TCF3: variants seen among roughly 807,000 people sequenced by gnomAD.
TCF3 encodes the protein transcription factor 3, also known as transcription factor E2-alpha.
TCF3 carries 54 observed loss-of-function variants against 72.3 expected under a neutral mutation model. The observed-to-expected ratio is 0.75, with a 90% confidence interval of 0.60 to 0.94. TCF3 has a LOEUF of 0.94. Among genes scored for constraint, TCF3 ranks in the 40% least tolerant of loss-of-function variants. The pLI is 0.00. For missense variants in TCF3, 1,078 were observed against 934.4 expected (o/e 1.15, Z -2.00); for synonymous variants, 525 against 412.6 (o/e 1.27, Z -3.30).
At chr19:1,631,538 G>A (rs1195816668) in intron 5 of TCF3, among the ~76,000 whole-genome samples, 1 of 151,962 alleles carries the variant, frequency 6.6e-6, no homozygotes, top group Non-Finnish European at 1.5e-5. Context: ...CAAAGTGCTG[G>A]TATTACAGGC....
Position 1,632,402 on chromosome 19 carries a change from A to T in TCF3, c.149T>A (p.Leu50His). Residue 50 changes from leucine (L) to histidine (H), a missense_variant, in exon 4 of 19, where the codon CTT (leucine) becomes CAT (histidine). Coordinates refer to ENST00000262965, the MANE Select transcript of TCF3 (RefSeq NM_003200.5). ...GGAGCCTGAGCTGGGCCGGTCCTCAAGACCTGCAGGCAGGACAGAGAGAGT... is the reference window on the plus strand; with the variant it reads ...GGAGCCTGAGCTGGGCCGGTCCTCATGACCTGCAGGCAGGACAGAGAGAGT... Reference protein sequence around the residue: ...LAGAQFGGSGLEDRPSSGSWG... With the variant: ...LAGAQFGGSGHEDRPSSGSWG... The T allele has an allele frequency of 6.3e-7, 1 of 1,592,728 alleles. No individual in the cohort carries two copies. The highest frequency in any genetic ancestry group is 8.5e-7 in the Non-Finnish European group (1 of 1,170,008).
At position 1,652,365 on chromosome 19, in the gene TCF3, C is replaced by A. The variant is rs1372355901; in HGVS notation, c.-105G>T. 2 of 143,930 alleles carry A rather than the reference C, an allele frequency of 1.4e-5. No homozygotes were observed. The highest frequency in any genetic ancestry group is 2.1e-4 in the South Asian group (1 of 4,820). 8.9% of individuals were successfully genotyped at this position (143,930 alleles called of 1,614,324 possible). ...GGCGGCATGAAGCGGGGGGGCCCCC[C>A]CCCGGACAAAGGTGCGTCGCGGCCG... is the stretch of plus-strand genomic sequence containing the variant. On this transcript the variant is annotated 5_prime_UTR_variant, in exon 1 of 19. Transcript: ENST00000262965.
chr19:1,615,970 G>C lies in TCF3; in HGVS notation c.1451-149C>G, dbSNP rs1383913222. 1 of 906,942 alleles carries C rather than the reference G, an allele frequency of 1.1e-6. No homozygotes were observed. The highest frequency in any genetic ancestry group is 1.7e-5 in the African/African-American group (1 of 59,524). The allele number at this position is 906,942 out of a possible 1,614,324, so 56.2% of individuals were successfully genotyped here. A position where few individuals can be genotyped will look rare whatever the true frequency, so the allele number is the denominator to read the frequency against. Reference sequence around the variant, plus strand: ...AACAAAAAACCAACAACCAGAACTGGATCCCTACCTCACGCCATGTGTAGC... The same window carrying C: ...AACAAAAAACCAACAACCAGAACTGCATCCCTACCTCACGCCATGTGTAGC... On this transcript the variant is annotated intron_variant, in intron 16 of 18. Coordinates refer to ENST00000262965, the MANE Select transcript of TCF3 (RefSeq NM_003200.5). This position sits in a 1 kb window ranked among gnomAD's most constrained non-coding sequence, Gnocchi z 7.3.
At chr19:1,650,430 G>A (rs536398086) in intron 1 of TCF3, 143 bp from the exon 2 acceptor site, 9 of 609,634 alleles carry the variant, frequency 1.5e-5, no homozygotes, top group Middle Eastern at 8.4e-4. Context: ...AGCCCTGGGG[G>A]CACGGGGAGC....
At chr19:1,622,917 G>A (rs915624938) in intron 8 of TCF3, among the ~76,000 whole-genome samples, 47 of 152,190 alleles carry the variant, frequency 3.1e-4, no homozygotes, top group African/African-American at 1.1e-3. Context: ...TGGACTGTGG[G>A]GCTGGGGCCT....
intron 1 of TCF3, among the ~76,000 whole-genome samples, chr19:1,651,533 G>C (rs1004098415): frequency 6.6e-6 from 1 of 152,210 alleles, no homozygotes; most frequent in Admixed American, 6.5e-5. Context: ...GGGGTGGCGA[G>C]CTAAAACGGG....
intron 11 of TCF3, 102 bp downstream of exon 11, chr19:1,621,736 A>T: frequency 2.1e-6 from 3 of 1,403,968 alleles, no homozygotes; most frequent in Non-Finnish European, 2.8e-6. Context: ...GGGCCAGCAG[A>T]CGCGCCTGCG....
chr19:1,622,602 GTC>G (rs753439055), intron 8 of TCF3, among the ~76,000 whole-genome samples, 187 bp from the exon 9 acceptor site: 2 of 151,894 alleles, frequency 1.3e-5, no homozygotes, highest in East Asian at 1.9e-4. Context: ...TGATGTCCTG[GTC>G]TCTCTCTCCT....
chr19:1,643,114 G>A (rs998258475), intron 3 of TCF3, among the ~76,000 whole-genome samples: 1 of 152,176 alleles, frequency 6.6e-6, no homozygotes, highest in Non-Finnish European at 1.5e-5. Flanking sequence ...AAAATGGGAG[G>A]CGGTGGGTGG....
At chr19:1,632,543 C>A in intron 3 of TCF3, 138 bp from the exon 4 acceptor site, 1 of 816,380 alleles carries the variant, frequency 1.2e-6, no homozygotes, top group Non-Finnish European at 1.9e-6. Flanking sequence ...CTCACCCAGC[C>A]CGACTCATGA....
Position 1,619,486 on chromosome 19 carries a change from G to C in TCF3, c.1168-12C>G. 6.4e-7 allele frequency: 1 copy of C among 1,566,760 alleles called. No homozygotes were observed. ...TCTATCTTACTCTGCTGCAGGGTGG[G>C]GGGATGGGTGGTGAGGGGCCCAAGC... On this transcript the variant is annotated splice_polypyrimidine_tract_variant and intron_variant, in intron 14 of 18. Transcript: ENST00000262965.
chr19:1,632,831 G>C (rs1309024135), intron 3 of TCF3, among the ~76,000 whole-genome samples: 3 of 152,212 alleles, frequency 2.0e-5, no homozygotes. Flanking sequence ...AAAGGCTCAT[G>C]ACAGCATGAG....
Position 1,622,079 on chromosome 19 carries a change from C to T in TCF3, c.797G>A (p.Gly266Asp), listed in dbSNP as rs2062308307. ...CATACGCTCGTGCTGGTGCAGGCCACCAAACGTGCTGCTGCTTCCACTGCT... is the reference window on the plus strand; with the variant it reads ...CATACGCTCGTGCTGGTGCAGGCCATCAAACGTGCTGCTGCTTCCACTGCT... ...VGSSGSSSTF[G>D]GLHQHERMGY... Residue 266 changes from glycine to aspartate, a missense_variant, in exon 10 of 19, where the codon GGT (glycine) becomes GAT (aspartate). Physicochemically the swap from Gly to Asp is moderately conservative, Grantham distance 94. Coordinates refer to ENST00000262965, the MANE Select transcript of TCF3 (RefSeq NM_003200.5). The T allele has an allele frequency of 6.2e-7, 1 of 1,606,940 alleles. No individual in the cohort carries two copies. The highest frequency in any genetic ancestry group is 8.5e-7 in the Non-Finnish European group (1 of 1,178,164).
chr19:1,609,708 C>G lies in TCF3; in HGVS notation c.*1999G>C, dbSNP rs1258848445. ...CGAGAAGGGAGAGGCAGCCGGACAG[C>G]CCCTCCCCTCCGCCTGGCCTGGACT... On this transcript the variant is annotated 3_prime_UTR_variant, in exon 19 of 19. Coordinates refer to ENST00000262965, the MANE Select transcript of TCF3 (RefSeq NM_003200.5). 4 of 227,792 alleles carry G rather than the reference C, an allele frequency of 1.8e-5. No individual in the cohort carries two copies. Among genetic ancestry groups the G allele is most frequent in the Non-Finnish European group, 3.5e-5 (4 of 114,952 alleles). 14.1% of individuals were successfully genotyped at this position (227,792 alleles called of 1,614,324 possible).
At position 1,615,984 on chromosome 19, in the gene TCF3, G is replaced by A. The variant is rs1189506455; in HGVS notation, c.1451-163C>T. 1.3e-5 allele frequency among the ~76,000 whole-genome samples: 2 copies of A among 152,092 alleles called. No individual in the cohort carries two copies. The highest frequency in any genetic ancestry group is 6.6e-5 in the Admixed American group (1 of 15,252). ...AACCAGAACTGGATCCCTACCTCAC[G>A]CCATGTGTAGCTACCAATGCCAGAC... On this transcript the variant is annotated intron_variant, in intron 16 of 18. Transcript: ENST00000262965. This position sits in a 1 kb window ranked among gnomAD's most constrained non-coding sequence, Gnocchi z 7.3.
chr19:1,626,221 C>G (rs1204731839), intron 6 of TCF3, among the ~76,000 whole-genome samples: 7 of 152,184 alleles, frequency 4.6e-5, no homozygotes, highest in Middle Eastern at 3.4e-3. Context: ...GAGGCTGAGG[C>G]GGGCGGATCA....
rs1412807570 is a variant in TCF3 at position 1,610,355 on chromosome 19, G to A, written c.*1352C>T. Reference sequence around the variant, plus strand: ...CCAGGGATGCTCCCCAGCATTGGGGGAGGCTGGCCAGGCCCCTGGCATCCT... The same window carrying A: ...CCAGGGATGCTCCCCAGCATTGGGGAAGGCTGGCCAGGCCCCTGGCATCCT... On this transcript the variant is annotated 3_prime_UTR_variant, in exon 19 of 19. Coordinates refer to ENST00000262965, the MANE Select transcript of TCF3 (RefSeq NM_003200.5). 3 of 231,424 alleles carry A rather than the reference G, an allele frequency of 1.3e-5. No individual in the cohort carries two copies. The highest frequency in any genetic ancestry group is 1.1e-4 in the Admixed American group (2 of 17,708). 14.3% of individuals were successfully genotyped at this position (231,424 alleles called of 1,614,324 possible). A position where few individuals can be genotyped will look rare whatever the true frequency, so the allele number is the denominator to read the frequency against.
chr19:1,632,241 C>A (rs957788474), intron 4 of TCF3, 91 bp downstream of exon 4: 1 of 1,542,300 alleles, frequency 6.5e-7, no homozygotes, highest in African/African-American at 1.4e-5. Context: ...GGAAGGCTGG[C>A]CCCTTCTCTC....
intron 3 of TCF3, among the ~76,000 whole-genome samples, chr19:1,635,033 G>A (rs936360496): frequency 5.3e-5 from 8 of 152,192 alleles, no homozygotes; most frequent in African/African-American, 1.9e-4. Flanking sequence ...CCAATCGACA[G>A]ACTTCAGTAC....
Sources: allele counts gnomAD v4.1 joint callset (sites outside exome capture counted in the v4.1 genomes callset), GRCh38; gene constraint gnomAD v4.1.1; non-coding constraint Gnocchi (gnomAD v3.1); transcripts MANE v1.5; gene names NCBI Gene and HGNC (gene_info 2026-07-23, HGNC 2026-07-21).